The following PPP6R3 variants were observed in gnomAD, a reference collection of about 807,000 sequenced individuals.
PPP6R3 encodes the protein serine/threonine-protein phosphatase 6 regulatory subunit 3.
Under a neutral mutation model 110.7 loss-of-function variants are expected in PPP6R3, and 38 were observed. The ratio of observed to expected loss-of-function variants is 0.34; its 90% CI spans 0.26 to 0.45. The LOEUF (loss-of-function observed/expected upper bound fraction) is 0.45, where lower values mean the gene tolerates loss of function less well. Ranked by LOEUF, PPP6R3 falls within the 20% of genes least tolerant of loss-of-function variation. The pLI, the probability that PPP6R3 is intolerant of heterozygous loss-of-function variation, is 1.00. For missense variants in PPP6R3, 870 were observed against 1,062.4 expected (o/e 0.82, Z 2.52); for synonymous variants, 369 against 373.5 (o/e 0.99, Z 0.14).
At chr11:68,467,150 A>T (rs2098754266) in intron 1 of PPP6R3, among the ~76,000 whole-genome samples, 1 of 152,254 alleles carries the variant, frequency 6.6e-6, no homozygotes, top group Non-Finnish European at 1.5e-5. Context: ...CCTGTTTTAG[A>T]TGCATTAGTG....
chr11:68,509,489 T>A (rs2099096701), intron 1 of PPP6R3, among the ~76,000 whole-genome samples: 2 of 150,600 alleles, frequency 1.3e-5, no homozygotes, highest in Non-Finnish European at 3.0e-5. Flanking sequence ...TTTTTTTTTT[T>A]ACCAAGTCCT....
intron 1 of PPP6R3, among the ~76,000 whole-genome samples, chr11:68,511,256 G>A (rs1002182445): frequency 2.0e-5 from 3 of 151,756 alleles, no homozygotes; most frequent in Non-Finnish European, 4.4e-5. Flanking sequence ...TAGTAGAGAC[G>A]GGGTTTCGCC....
chr11:68,590,697 C>G lies in PPP6R3; in HGVS notation c.1768C>G (p.Leu590Val), dbSNP rs201158783. 2.5e-6 allele frequency: 4 copies of G among 1,593,480 alleles called. No homozygotes were observed. In the East Asian group the frequency reaches 9.0e-5, roughly 36 times the overall value. Residue 590 changes from leucine (L) to valine (V), a missense_variant, in exon 17 of 24, where the codon CTC (leucine) becomes GTC (valine). Coordinates refer to ENST00000393800, the MANE Select transcript of PPP6R3 (RefSeq NM_001164161.2). ...FDRVSDINFT[L>V]NTNESGNIAL... ...TCGAGTATCAGACATCAACTTTACT[C>G]TCAATACAAATGAAAGTGTAAGTAT...
At chr11:68,541,229 CCTGACTTCCTG>C (rs2099313630) in intron 3 of PPP6R3, among the ~76,000 whole-genome samples, 1 of 152,134 alleles carries the variant, frequency 6.6e-6, no homozygotes. Context: ...GTTTGGGGTC[CCTGACTTCCTG>C]CAACCTGTGC....
intron 1 of PPP6R3, among the ~76,000 whole-genome samples, chr11:68,500,056 A>T (rs2099040088): frequency 6.6e-6 from 1 of 152,112 alleles, no homozygotes; most frequent in African/African-American, 2.4e-5. Flanking sequence ...TATTTTGAAG[A>T]TATTCAAATA....
intron 1 of PPP6R3, among the ~76,000 whole-genome samples, chr11:68,511,107 G>A (rs1473108203): frequency 2.6e-4 from 38 of 147,282 alleles, no homozygotes; most frequent in Admixed American, 2.5e-3. Context: ...TCGCTCTGTC[G>A]CCCAGGCTGG....
chr11:68,543,574 C>T (rs1565726561), intron 3 of PPP6R3, among the ~76,000 whole-genome samples: 1 of 152,196 alleles, frequency 6.6e-6, no homozygotes, highest in African/African-American at 2.4e-5. Context: ...CACTTGCTTG[C>T]CTTGGATGCC....
In PPP6R3 at chr11:68,516,216, T is replaced by A. The variant is rs145331391; in HGVS notation, c.-157-3285T>A. 1.6e-3 allele frequency among the ~76,000 whole-genome samples: 240 copies of A among 152,326 alleles called. 1 individual carries two copies. The highest frequency in any genetic ancestry group is 5.6e-3 in the African/African-American group (231 of 41,562). On this transcript the variant is annotated intron_variant, in intron 1 of 23. Transcript: ENST00000393800. The stretch of plus-strand genomic sequence containing the variant: ...TTGTATGTATATACAGGTTAAAGCA[T>A]CCCTAATTGGAAATTTCGAAATGCT...
At chr11:68,515,497 C>T (rs1286806378) in intron 1 of PPP6R3, among the ~76,000 whole-genome samples, 2 of 152,212 alleles carry the variant, frequency 1.3e-5, no homozygotes, top group Non-Finnish European at 2.9e-5. Context: ...CATACCAGCT[C>T]GGAAGAGCTT....
intron 15 of PPP6R3, chr11:68,587,180 C>CCT (rs2099581337): frequency 6.7e-6 from 1 of 149,316 alleles, no homozygotes; most frequent in African/African-American, 2.5e-5. Flanking sequence ...TATAACACCC[C>CCT]CCCCCCCCAC....
At chr11:68,462,685 G>A (rs559349351) in intron 1 of PPP6R3, among the ~76,000 whole-genome samples, 2 of 152,322 alleles carry the variant, frequency 1.3e-5, no homozygotes, top group Admixed American at 1.3e-4. Flanking sequence ...AGGGAGTCTA[G>A]AACATTGAAC....
chr11:68,554,356 T>C (rs1261854969), intron 7 of PPP6R3, 99 bp downstream of exon 7: 4 of 900,224 alleles, frequency 4.4e-6, no homozygotes, highest in South Asian at 2.2e-5. Context: ...GTGGGAATCA[T>C]GTGCCTTGAA....
At chr11:68,603,034 G>A (rs1227041264) in intron 21 of PPP6R3, among the ~76,000 whole-genome samples, 2 of 152,144 alleles carry the variant, frequency 1.3e-5, no homozygotes, top group Admixed American at 6.5e-5. Context: ...GCCCCACACT[G>A]GAACAGTTAG....
chr11:68,583,142 TA>T lies in PPP6R3; in HGVS notation c.1632+16del. The T allele has an allele frequency of 6.7e-7, 1 of 1,503,406 alleles. No individual in the cohort carries two copies. Among genetic ancestry groups the T allele is most frequent in the East Asian group, 2.5e-5 (1 of 40,630 alleles). 93.1% of individuals were successfully genotyped at this position (1,503,406 alleles called of 1,614,324 possible). On this transcript the variant is annotated intron_variant, in intron 15 of 23. Transcript: ENST00000393800. ...TTCTTTGCAGCAAGTGAGTCACGCC[TA>T]AAGCTTTGCTTTTTGTTTTTATTTT...
rs1361585618 is a variant in PPP6R3 at position 68,587,981 on chromosome 11, G to A, written c.1687G>A (p.Gly563Ser). Residue 563 changes from glycine to serine, a missense_variant, in exon 16 of 24, where the codon GGC (glycine) becomes AGC (serine). Gly to Ser is a moderately conservative substitution (Grantham distance 56). Transcript: ENST00000393800. ...GACGTCCAATTTTATTGACCAGTTT[G>A]GCTTCAACGATGAGAAGTTTGCAGA... Reference protein sequence around the residue: ...QMTSNFIDQFGFNDEKFADQD... With the variant: ...QMTSNFIDQFSFNDEKFADQD... 1 of 1,614,056 alleles carries A rather than the reference G, an allele frequency of 6.2e-7. No homozygotes were observed. Among genetic ancestry groups the A allele is most frequent in the East Asian group, 2.2e-5 (1 of 44,892 alleles).
At chr11:68,502,296 A>G (rs1478865268) in intron 1 of PPP6R3, among the ~76,000 whole-genome samples, 1 of 152,244 alleles carries the variant, frequency 6.6e-6, no homozygotes, top group African/African-American at 2.4e-5. Flanking sequence ...TCACATTTTT[A>G]TACTAAATCT....
chr11:68,543,338 G>T (rs117190497), intron 3 of PPP6R3, among the ~76,000 whole-genome samples: 1 of 151,638 alleles, frequency 6.6e-6, no homozygotes, highest in East Asian at 1.9e-4. Context: ...GCATCTTGAA[G>T]CCCATGCTAC....
intron 2 of PPP6R3, among the ~76,000 whole-genome samples, chr11:68,528,014 C>T (rs1003439067): frequency 6.6e-6 from 1 of 152,174 alleles, no homozygotes; most frequent in Non-Finnish European, 1.5e-5. Flanking sequence ...AGGTTGTCCT[C>T]CCTTGAGCTA....
chr11:68,587,625 C>G (rs1253067427), intron 15 of PPP6R3: 1 of 428,172 alleles, frequency 2.3e-6, no homozygotes. Flanking sequence ...CATGTGATCA[C>G]TTTAAACTAG....
Sources: gnomAD v4.1 joint callset for allele counts (sites outside exome capture counted in the v4.1 genomes callset) on GRCh38, gnomAD v4.1.1 for gene constraint, MANE v1.5 for transcripts, NCBI Gene and HGNC (gene_info 2026-07-23, HGNC 2026-07-21) for gene names.